TMTC2: variants seen among roughly 807,000 people sequenced by gnomAD.
TMTC2 encodes the protein transmembrane O-mannosyltransferase targeting cadherins 2.
A neutral mutation model predicts 82.4 loss-of-function variants in TMTC2; 43 were observed. The observed-to-expected ratio is 0.52, with a 90% CI of 0.41 to 0.67. TMTC2 has a LOEUF of 0.67. TMTC2 is among the 30% of genes least tolerant of loss of function. The probability of loss-of-function intolerance (pLI) is 0.00; values close to 1 mark genes in which losing one functional copy is unlikely to be tolerated. For synonymous variants in TMTC2, 408 were observed against 381.9 expected, an observed-to-expected ratio of 1.07 and a Z score of -0.80; for missense variants, 919 against 1,012.4, an observed-to-expected ratio of 0.91 and a Z score of 1.25.
rs139737960 is a variant in TMTC2 at position 82,896,408 on chromosome 12, C to T, written c.1245C>T (p.Val415=). Residue 415 remains valine (V), a synonymous_variant, in exon 3 of 12, where the codon GTC becomes GTT. Transcript: ENST00000321196. ...FVPATNLFFY[V]GFVIAERVLY... is the part of the protein sequence containing the mutation. ...CTGCCACGAACCTGTTTTTCTATGT[C>T]GGCTTTGTAATTGCAGAGCGAGTAT... The T allele has an allele frequency of 6.6e-5, 106 of 1,614,112 alleles. No homozygotes were observed. The highest frequency in any genetic ancestry group is 6.0e-4 in the East Asian group (27 of 44,856).
chr12:83,073,120 GT>G (rs1883172818), intron 11 of TMTC2, among the ~76,000 whole-genome samples: 1 of 151,670 alleles, frequency 6.6e-6, no homozygotes, highest in South Asian at 2.1e-4. Flanking sequence ...GTTTTGATGT[GT>G]TTCCAGGATT....
chr12:83,016,263 T>C lies in TMTC2; in HGVS notation c.2071-14535T>C, dbSNP rs372788887. ...CAGAATTTCTAAATAATTTTCTTAA[T>C]TTGGATCTTCTAAAGAGAAATTTTA... On this transcript the variant is annotated intron_variant, in intron 8 of 11. Coordinates refer to ENST00000321196, the MANE Select transcript of TMTC2 (RefSeq NM_152588.3). 1.9e-3 allele frequency among the ~76,000 whole-genome samples: 288 copies of C among 152,332 alleles called. 1 individual carries two copies. The highest frequency in any genetic ancestry group is 0.017 in the South Asian group (82 of 4,826).
intron 4 of TMTC2, among the ~76,000 whole-genome samples, chr12:82,953,207 T>C (rs2137282425): frequency 6.6e-6 from 1 of 152,290 alleles, no homozygotes; most frequent in South Asian, 2.1e-4. Flanking sequence ...AATGCAGGAT[T>C]CTTGTGCTGC....
intron 8 of TMTC2, among the ~76,000 whole-genome samples, chr12:82,987,560 G>A (rs574471483): frequency 6.6e-6 from 1 of 152,052 alleles, no homozygotes; most frequent in African/African-American, 2.4e-5. Flanking sequence ...AGCATGAGTA[G>A]TAAGAGAAGT....
intron 1 of TMTC2, among the ~76,000 whole-genome samples, chr12:82,742,396 A>C (rs967902328): frequency 6.6e-6 from 1 of 152,082 alleles, no homozygotes; most frequent in African/African-American, 2.4e-5. Context: ...CAACATTTAC[A>C]TTATATGCCA....
rs755591308 is a variant in TMTC2 at position 83,050,966 on chromosome 12, G to C, written c.2215G>C (p.Glu739Gln). The change falls in exon 10 of 12, where the codon GAA (glutamate) becomes CAA (glutamine). Residue 739 changes from glutamate (E) to glutamine (Q), a missense_variant. Glu to Gln is a conservative substitution (Grantham distance 29). Coordinates refer to ENST00000321196, the MANE Select transcript of TMTC2 (RefSeq NM_152588.3). ...EAAEMAKKAA[E>Q]LDSTEFDVVF... The stretch of plus-strand genomic sequence containing the variant: ...AGCTGAGATGGCAAAAAAAGCAGCT[G>C]AACTAGACAGCACAGAGTTTGATGT... 8 of 1,613,238 alleles carry C rather than the reference G, an allele frequency of 5.0e-6. No individual in the cohort carries two copies. The highest frequency in any genetic ancestry group is 6.8e-6 in the Non-Finnish European group (8 of 1,179,504).
intron 8 of TMTC2, among the ~76,000 whole-genome samples, chr12:83,025,216 A>C (rs12814294): frequency 0.59 from 89,591 of 151,556 alleles, 26,994 homozygotes; most frequent in South Asian, 0.73. Context: ...AAAAAAGAAA[A>C]GAAAAGAAAT....
At chr12:82,745,595 G>A (rs922690261) in intron 1 of TMTC2, among the ~76,000 whole-genome samples, 19 of 152,136 alleles carry the variant, frequency 1.2e-4, no homozygotes, top group African/African-American at 4.6e-4. Flanking sequence ...TACATTAGCA[G>A]ACAAGAGCCT....
intron 1 of TMTC2, among the ~76,000 whole-genome samples, chr12:82,729,619 C>T (rs937859186): frequency 2.6e-5 from 4 of 152,080 alleles, no homozygotes; most frequent in Non-Finnish European, 5.9e-5. Context: ...CAATCAGCAC[C>T]CTGTGAAAAC....
intron 8 of TMTC2, among the ~76,000 whole-genome samples, chr12:83,010,361 T>G (rs1319141490): frequency 6.6e-6 from 1 of 152,168 alleles, no homozygotes; most frequent in East Asian, 1.9e-4. Flanking sequence ...GAACTGAAAC[T>G]CACCACATCA....
At chr12:82,703,591 C>T (rs372567572) in intron 1 of TMTC2, among the ~76,000 whole-genome samples, 1 of 151,576 alleles carries the variant, frequency 6.6e-6, no homozygotes, top group African/African-American at 2.4e-5. Flanking sequence ...CTCCACCTCC[C>T]GGGTTCACGC....
At chr12:82,870,964 AG>A (rs1262393910) in intron 2 of TMTC2, among the ~76,000 whole-genome samples, 1 of 152,202 alleles carries the variant, frequency 6.6e-6, no homozygotes, top group Non-Finnish European at 1.5e-5. Context: ...TTCATTCTGC[AG>A]TATAATCTTC....
At chr12:82,998,809 A>G (rs1472203666) in intron 8 of TMTC2, among the ~76,000 whole-genome samples, 1 of 152,154 alleles carries the variant, frequency 6.6e-6, no homozygotes, top group African/African-American at 2.4e-5. Context: ...GAAAAAAAAT[A>G]TGAGGCACCT....
At chr12:83,059,005 A>G (rs998385055) in intron 10 of TMTC2, among the ~76,000 whole-genome samples, 1 of 151,834 alleles carries the variant, frequency 6.6e-6, no homozygotes, top group Non-Finnish European at 1.5e-5. Context: ...GAAATAATCT[A>G]TTCCTGGATA....
chr12:82,707,864 G>A (rs1227375370), intron 1 of TMTC2, among the ~76,000 whole-genome samples: 1 of 152,230 alleles, frequency 6.6e-6, no homozygotes, highest in Non-Finnish European at 1.5e-5. Flanking sequence ...GCAATAAGTA[G>A]TATTCTTGGT....
chr12:82,962,945 G>A (rs570548216), intron 4 of TMTC2, among the ~76,000 whole-genome samples: 2 of 151,994 alleles, frequency 1.3e-5, no homozygotes, highest in East Asian at 3.9e-4. Context: ...TCTCCCAGGA[G>A]CCCAGGAAAT....
intron 1 of TMTC2, among the ~76,000 whole-genome samples, chr12:82,811,955 T>A (rs1362388072): frequency 1.3e-5 from 2 of 151,710 alleles, no homozygotes; most frequent in East Asian, 3.9e-4. Context: ...GCAGCTGGGA[T>A]TATAGGCACC....
intron 8 of TMTC2, among the ~76,000 whole-genome samples, chr12:83,009,368 A>G (rs1880350289): frequency 6.6e-6 from 1 of 152,050 alleles, no homozygotes; most frequent in Non-Finnish European, 1.5e-5. Flanking sequence ...CTTTCTCCTG[A>G]TAGTCTACCC....
At chr12:83,064,028 CTT>C (rs1229724821) in intron 11 of TMTC2, among the ~76,000 whole-genome samples, 1 of 131,396 alleles carries the variant, frequency 7.6e-6, no homozygotes, top group African/African-American at 2.7e-5. Flanking sequence ...CAGAGTTTTT[CTT>C]TTTTTTTTAT....
Sources: allele counts gnomAD v4.1 joint callset (sites outside exome capture counted in the v4.1 genomes callset), GRCh38; gene constraint gnomAD v4.1.1; transcripts MANE v1.5; gene names NCBI Gene and HGNC (gene_info 2026-07-23, HGNC 2026-07-21).